ABCA5: variants seen among roughly 807,000 people sequenced by gnomAD.
ABCA5 encodes ATP binding cassette subfamily A member 5.
ABCA5 carries 163 observed loss-of-function variants against 206.0 expected under a neutral mutation model. The ratio of observed to expected loss-of-function variants is 0.79; its 90% CI spans 0.70 to 0.90. ABCA5 has a LOEUF of 0.90. Ranked by LOEUF, ABCA5 falls within the 40% of genes least tolerant of loss-of-function variation. The pLI, the probability that ABCA5 is intolerant of heterozygous loss-of-function variation, is 0.00. For missense variants in ABCA5, 1,859 were observed against 1,912.9 expected (o/e 0.97, Z 0.53); for synonymous variants, 609 against 613.8 (o/e 0.99, Z 0.11).
At chr17:69,254,575 C>G (rs551746056) in intron 31 of ABCA5, 85 bp from the exon 32 acceptor site, 62 of 1,005,576 alleles carry the variant, frequency 6.2e-5, no homozygotes, top group Non-Finnish European at 8.7e-5. Context: ...AAACCCCTTC[C>G]TACAGCCAGA....
At chr17:69,299,943 C>T (rs1157698573) in intron 9 of ABCA5, among the ~76,000 whole-genome samples, 1 of 152,100 alleles carries the variant, frequency 6.6e-6, no homozygotes, top group African/African-American at 2.4e-5. Context: ...GACTAGTGGT[C>T]CCCAGCCTTT....
At chr17:69,322,242 C>G (rs1359655139) in intron 1 of ABCA5, among the ~76,000 whole-genome samples, 1 of 151,422 alleles carries the variant, frequency 6.6e-6, no homozygotes, top group Non-Finnish European at 1.5e-5. Context: ...TGGTGGCGGG[C>G]ACCTGTAATC....
intron 24 of ABCA5, among the ~76,000 whole-genome samples, chr17:69,264,219 A>G (rs2075182918): frequency 6.6e-6 from 1 of 152,042 alleles, no homozygotes; most frequent in African/African-American, 2.4e-5. Flanking sequence ...TTCCTTCACC[A>G]ATGTTTTGTA....
rs1342075994 is a variant in ABCA5, at chr17:69,253,603, C to G, written c.4385G>C (p.Gly1462Ala). Residue 1462 changes from glycine (G) to alanine (A), a missense_variant, in exon 34 of 39, where the codon GGT becomes GCT. Transcript: ENST00000392676. ...QITLLDEPSTGMDPKAKQHMW... is the reference protein window; with the variant it reads ...QITLLDEPSTAMDPKAKQHMW... ...GTGCTGTTTGGCTTTGGGATCCATACCTGTAGATGGTTCATCTAGCAAAGT... is the reference window on the plus strand; with the variant it reads ...GTGCTGTTTGGCTTTGGGATCCATAGCTGTAGATGGTTCATCTAGCAAAGT... The G allele has an allele frequency of 1.2e-6, 2 of 1,613,608 alleles. No individual in the cohort carries two copies. The highest frequency in any genetic ancestry group is 2.7e-5 in the African/African-American group (2 of 74,876).
intron 5 of ABCA5, 30 bp downstream of exon 5, chr17:69,308,250 T>G: frequency 7.2e-7 from 1 of 1,390,680 alleles, no homozygotes; most frequent in Non-Finnish European, 1.0e-6. Flanking sequence ...AATGGCATAG[T>G]TTTTGTATTT....
Position 69,287,630 on chromosome 17 carries a change from T to C in ABCA5, c.2024A>G (p.Glu675Gly). 1 of 1,610,680 alleles carries C rather than the reference T, an allele frequency of 6.2e-7. No homozygotes were observed. Among genetic ancestry groups the C allele is most frequent in the Non-Finnish European group, 8.5e-7 (1 of 1,178,850 alleles). Residue 675 changes from glutamate to glycine, a missense_variant, in exon 15 of 39, where the codon GAA becomes GGA. By Grantham distance (98) the Glu-to-Gly change is moderately conservative. Coordinates refer to ENST00000392676, the MANE Select transcript of ABCA5 (RefSeq NM_172232.4). ...AATCTCACCTGCAAGAATGTCAGCT[T>C]CATCCATGAAATGAGTACTGAACAC... ...VTVFSTHFMD[E>G]ADILADRKAV... is the part of the protein sequence containing the mutation.
At chr17:69,283,832 T>C in intron 18 of ABCA5, 121 bp downstream of exon 18, 1 of 1,050,560 alleles carries the variant, frequency 9.5e-7, no homozygotes, top group Non-Finnish European at 1.3e-6. Context: ...ATCTCATTAC[T>C]TATTTACTTA....
intron 7 of ABCA5, 54 bp downstream of exon 7, chr17:69,304,614 AT>A: frequency 7.2e-7 from 1 of 1,396,612 alleles, no homozygotes; most frequent in Non-Finnish European, 9.5e-7. Context: ...AGACTTTGCT[AT>A]GTTATCAAAC....
At chr17:69,300,343 G>C (rs1352875875) in intron 9 of ABCA5, among the ~76,000 whole-genome samples, 1 of 152,222 alleles carries the variant, frequency 6.6e-6, no homozygotes, top group Non-Finnish European at 1.5e-5. Context: ...ATGAGGAGCA[G>C]CTGTGAATAC....
At position 69,291,647 on chromosome 17, in the gene ABCA5, G is replaced by T. The variant is rs58330403; in HGVS notation, c.1496-321C>A. On this transcript the variant is annotated intron_variant, in intron 11 of 38. Coordinates refer to ENST00000392676, the MANE Select transcript of ABCA5 (RefSeq NM_172232.4). ...AATTAAACAAAAATTTGTTCCCAAG[G>T]ATATTTATAGGCATTTAAATAAACT... is the stretch of plus-strand genomic sequence containing the variant. 2.4e-3 allele frequency among the ~76,000 whole-genome samples: 359 copies of T among 152,190 alleles called. 3 individuals are homozygous for T. The highest frequency in any genetic ancestry group is 7.9e-3 in the African/African-American group (328 of 41,532).
chr17:69,301,866 T>C (rs2075655865), intron 8 of ABCA5, among the ~76,000 whole-genome samples: 1 of 152,162 alleles, frequency 6.6e-6, no homozygotes, highest in African/African-American at 2.4e-5. Context: ...GCTTCAGTCC[T>C]CTCATTTATA....
chr17:69,310,400 G>T (rs945392046), intron 3 of ABCA5, among the ~76,000 whole-genome samples: 3 of 152,040 alleles, frequency 2.0e-5, no homozygotes, highest in Non-Finnish European at 4.4e-5. Context: ...CTGAGCCTCC[G>T]GACTAGTTGG....
At chr17:69,277,556 T>C in intron 19 of ABCA5, 85 bp downstream of exon 19, 2 of 1,076,148 alleles carry the variant, frequency 1.9e-6, no homozygotes, top group Non-Finnish European at 2.6e-6. Context: ...TTACATATGT[T>C]AACATTTTAA....
At chr17:69,271,427 CCAGT>C (rs2075272761) in intron 20 of ABCA5, 138 bp from the exon 21 acceptor site, 2 of 938,382 alleles carry the variant, frequency 2.1e-6, no homozygotes, top group South Asian at 4.4e-5. Flanking sequence ...GGCTCTGAAG[CCAGT>C]CAGCCTGGTT....
At chr17:69,264,374 T>C (rs2075184654) in intron 24 of ABCA5, among the ~76,000 whole-genome samples, 3 of 152,202 alleles carry the variant, frequency 2.0e-5, no homozygotes, top group Admixed American at 2.0e-4. Context: ...TAAGCTATAT[T>C]TTAAACTATG....
chr17:69,282,619 A>G (rs1416400533), intron 18 of ABCA5, among the ~76,000 whole-genome samples: 4 of 151,346 alleles, frequency 2.6e-5, no homozygotes, highest in Non-Finnish European at 5.9e-5. Flanking sequence ...AAATACAACA[A>G]CTAGCTGGGC....
At chr17:69,303,515 C>T (rs1254704712) in intron 7 of ABCA5, among the ~76,000 whole-genome samples, 2 of 150,286 alleles carry the variant, frequency 1.3e-5, no homozygotes, top group Admixed American at 6.7e-5. Flanking sequence ...TGTGTTTCTG[C>T]AGTAAGATGC....
At chr17:69,270,794 G>A (rs754568151) in intron 21 of ABCA5, 44 bp from the exon 22 acceptor site, 36 of 1,448,830 alleles carry the variant, frequency 2.5e-5, no homozygotes, top group East Asian at 5.0e-5. Flanking sequence ...GTATATAAGC[G>A]GATATATTAT....
chr17:69,259,760 T>C lies in ABCA5; in HGVS notation c.3677A>G (p.Gln1226Arg). 6.2e-7 allele frequency: 1 copy of C among 1,609,584 alleles called. No homozygotes were observed. Among genetic ancestry groups the C allele is most frequent in the Non-Finnish European group, 8.5e-7 (1 of 1,176,920 alleles). ...GCCTCCATATTTTTTCTCATAGTATTGTAAGAGGAAAATCCACAGTACACA... is the reference window on the plus strand; with the variant it reads ...GCCTCCATATTTTTTCTCATAGTATCGTAAGAGGAAAATCCACAGTACACA... ...LQCVLWIFLLQYYEKKYGGRS... is the reference protein window; with the variant it reads ...LQCVLWIFLLRYYEKKYGGRS... The change falls in exon 28 of 39, where the codon CAA (glutamine) becomes CGA (arginine). Residue 1226 changes from glutamine (Q) to arginine (R), a missense_variant. Coordinates refer to ENST00000392676, the MANE Select transcript of ABCA5 (RefSeq NM_172232.4).
Sources: allele counts gnomAD v4.1 joint callset (sites outside exome capture counted in the v4.1 genomes callset), GRCh38; gene constraint gnomAD v4.1.1; transcripts MANE v1.5; gene names NCBI Gene and HGNC (gene_info 2026-07-23, HGNC 2026-07-21).